MAGI2: variants seen among roughly 807,000 people sequenced by gnomAD.
MAGI2 encodes membrane associated guanylate kinase, WW and PDZ domain containing 2.
MAGI2 carries 35 observed loss-of-function variants against 133.3 expected under a neutral mutation model. That is an observed-to-expected ratio of 0.26 (90% confidence interval 0.20 to 0.35). The LOEUF is 0.35. Among genes scored for constraint, MAGI2 ranks in the 10% least tolerant of loss-of-function variants. The pLI, the probability that MAGI2 is intolerant of heterozygous loss-of-function variation, is 1.00. For missense variants in MAGI2, 1,636 were observed against 1,863.4 expected (o/e 0.88, Z 2.25); for synonymous variants, 729 against 710.6 (o/e 1.03, Z -0.41).
chr7:78,254,574 G>A (rs1355106724), intron 10 of MAGI2: 3 of 152,112 alleles, frequency 2.0e-5, no homozygotes, highest in African/African-American at 4.8e-5. Context: ...TTTTAGTACC[G>A]GGAACCTAAG....
Position 79,311,994 on chromosome 7 carries a change from TA to T in MAGI2, c.301+141025del, listed in dbSNP as rs1405277869. Among the ~76,000 whole-genome samples, 6 of 152,290 alleles carry T rather than the reference TA, an allele frequency of 3.9e-5. No homozygotes were observed. In the East Asian group the frequency reaches 1.2e-3, roughly 29 times the overall value. ...TGCCTCTATTGCTAACATCCCAGTC[TA>T]AACCTCTCATATTTTTCTCCTGAGG... On this transcript the variant is annotated intron_variant, in intron 1 of 21. Transcript: ENST00000354212.
chr7:78,265,591 C>G (rs1456742820), intron 9 of MAGI2, among the ~76,000 whole-genome samples: 1 of 152,076 alleles, frequency 6.6e-6, no homozygotes, highest in Non-Finnish European at 1.5e-5. Flanking sequence ...TTTATGAAAG[C>G]AAGATAAAAA....
intron 3 of MAGI2, among the ~76,000 whole-genome samples, chr7:78,553,095 A>T (rs1236120143): frequency 9.8e-5 from 8 of 81,530 alleles, no homozygotes; most frequent in East Asian, 1.8e-3. Flanking sequence ...ACTTTAAATT[A>T]AAAAAAAAAA....
intron 1 of MAGI2, among the ~76,000 whole-genome samples, chr7:79,296,052 G>T (rs1440382285): frequency 1.3e-5 from 2 of 152,104 alleles, no homozygotes; most frequent in Non-Finnish European, 2.9e-5. Context: ...TCCTAATTGT[G>T]CATTAACTCA....
chr7:78,379,323 C>A (rs752999324), intron 6 of MAGI2, among the ~76,000 whole-genome samples: 42 of 152,046 alleles, frequency 2.8e-4, no homozygotes, highest in Admixed American at 1.5e-3. Context: ...AGATGACACA[C>A]ATTTAAAGAA....
chr7:78,915,649 AT>A (rs147371823), intron 2 of MAGI2, among the ~76,000 whole-genome samples: 250 of 149,166 alleles, frequency 1.7e-3, no homozygotes, highest in East Asian at 4.9e-3. Context: ...GGCTTTCGTA[AT>A]TTTTTTTTTG....
At chr7:78,225,791 A>G (rs761896874) in intron 10 of MAGI2, among the ~76,000 whole-genome samples, 9 of 152,228 alleles carry the variant, frequency 5.9e-5, no homozygotes, top group Non-Finnish European at 1.2e-4. Context: ...TTTTCGCCCT[A>G]GTCCACTTCT....
chr7:78,758,231 TG>T (rs1450577065), intron 2 of MAGI2, among the ~76,000 whole-genome samples: 1 of 152,188 alleles, frequency 6.6e-6, no homozygotes, highest in Non-Finnish European at 1.5e-5. Context: ...TGAGTTATCT[TG>T]TATCCTATTG....
chr7:78,357,198 CA>C (rs1352049422), intron 7 of MAGI2, among the ~76,000 whole-genome samples: 5 of 152,156 alleles, frequency 3.3e-5, no homozygotes, highest in Non-Finnish European at 7.3e-5. Context: ...ATATTTTTAT[CA>C]CCTACTAGCT....
chr7:78,790,052 T>A (rs1253544226), intron 2 of MAGI2, among the ~76,000 whole-genome samples: 1 of 152,166 alleles, frequency 6.6e-6, no homozygotes, highest in Admixed American at 6.5e-5. Context: ...AATATACAGA[T>A]CAATTGATTG....
Position 79,243,150 on chromosome 7 carries a change from C to T in MAGI2, c.301+209870G>A, listed in dbSNP as rs145060268. ...CAAAAAACAACAAAAAAAGAAAAGA[C>T]AAATAAAAAAATGATAAAATATTAC... On this transcript the variant is annotated intron_variant, in intron 1 of 21. Transcript: ENST00000354212. Among the ~76,000 whole-genome samples, 277 of 152,036 alleles carry T rather than the reference C, an allele frequency of 1.8e-3. 1 individual carries two copies. Among genetic ancestry groups the T allele is most frequent in the African/African-American group, 6.4e-3 (266 of 41,466 alleles).
chr7:78,400,038 C>T (rs942873709), intron 6 of MAGI2, among the ~76,000 whole-genome samples: 1 of 152,140 alleles, frequency 6.6e-6, no homozygotes, highest in African/African-American at 2.4e-5. Context: ...ACAGTAACCT[C>T]TACATTTTGT....
chr7:78,369,080 C>G lies in MAGI2; in HGVS notation c.1103+76G>C, dbSNP rs980240229. 9.5e-6 allele frequency: 10 copies of G among 1,051,332 alleles called. No individual in the cohort carries two copies. In the South Asian group the frequency reaches 1.2e-4, roughly 12 times the overall value. 65.1% of individuals were successfully genotyped at this position (1,051,332 alleles called of 1,614,324 possible). ...GGAAATGAAGGGGCTGTGAGCCACACATGCTCAATAAATAAAATACTAACA... is the reference window on the plus strand; with the variant it reads ...GGAAATGAAGGGGCTGTGAGCCACAGATGCTCAATAAATAAAATACTAACA... On this transcript the variant is annotated intron_variant, in intron 7 of 21. Transcript: ENST00000354212.
chr7:78,304,908 T>G (rs941146091), intron 9 of MAGI2, among the ~76,000 whole-genome samples: 1 of 152,204 alleles, frequency 6.6e-6, no homozygotes. Flanking sequence ...TCATGTTTGA[T>G]GGTTCCAAGA....
At chr7:79,116,664 G>T (rs1351483774) in intron 1 of MAGI2, among the ~76,000 whole-genome samples, 1 of 152,162 alleles carries the variant, frequency 6.6e-6, no homozygotes, top group Non-Finnish European at 1.5e-5. Context: ...GGTGAGGCTG[G>T]TGGGAGGGTA....
At chr7:78,337,042 C>G (rs918024123) in intron 9 of MAGI2, among the ~76,000 whole-genome samples, 1 of 152,044 alleles carries the variant, frequency 6.6e-6, no homozygotes, top group Non-Finnish European at 1.5e-5. Context: ...GGGAAAAACA[C>G]AAAACATCAT....
chr7:78,596,815 C>A (rs937648070), intron 3 of MAGI2, among the ~76,000 whole-genome samples: 1 of 152,148 alleles, frequency 6.6e-6, no homozygotes, highest in African/African-American at 2.4e-5. Context: ...CTCATCTTGA[C>A]CCAGTGTCCA....
At chr7:78,785,929 C>A (rs1255757252) in intron 2 of MAGI2, among the ~76,000 whole-genome samples, 1 of 152,096 alleles carries the variant, frequency 6.6e-6, no homozygotes, top group Non-Finnish European at 1.5e-5. Flanking sequence ...TAGACAAGAA[C>A]ACACTATGAA....
At position 79,399,075 on chromosome 7, in the gene MAGI2, ATTTCTTTTTTTTTTCT is replaced by A. The variant is rs1170504554; in HGVS notation, c.301+53929_301+53944del. On this transcript the variant is annotated intron_variant, in intron 1 of 21. Transcript: ENST00000354212. ...CTGACATCTTCAATTCACTAGTATT[ATTTCTTTTTTTTTTCT>A]TTTCTTTTTTTTTTTTTTTGGGAGA... 3.8e-4 allele frequency among the ~76,000 whole-genome samples: 43 copies of A among 113,106 alleles called. 2 individuals carry two copies. The South Asian group carries it at 0.011, about 29-fold the overall frequency. 74.2% of individuals were successfully genotyped at this position (113,106 alleles called of 152,430 possible). A position where few individuals can be genotyped will look rare whatever the true frequency, so the allele number is the denominator to read the frequency against.
Sources: gnomAD v4.1 joint callset for allele counts (sites outside exome capture counted in the v4.1 genomes callset) on GRCh38, gnomAD v4.1.1 for gene constraint, MANE v1.5 for transcripts, NCBI Gene and HGNC (gene_info 2026-07-23, HGNC 2026-07-21) for gene names.